C18orf63: variants seen among roughly 807,000 people sequenced by gnomAD.
C18orf63 encodes chromosome 18 open reading frame 63, also known as uncharacterized protein C18orf63.
A neutral mutation model predicts 75.3 loss-of-function variants in C18orf63; 50 were observed. That is an observed-to-expected ratio of 0.66 (90% CI 0.53 to 0.84). C18orf63 has a LOEUF of 0.84. C18orf63 is among the 40% of genes least tolerant of loss of function. The pLI is 0.00. For synonymous variants in C18orf63, 232 were observed against 267.6 expected (o/e 0.87, Z 1.30); for missense variants, 732 against 800.2 (o/e 0.91, Z 1.03).
At chr18:74,317,491 T>C (rs893217844) in intron 1 of C18orf63, among the ~76,000 whole-genome samples, 1 of 152,200 alleles carries the variant, frequency 6.6e-6, no homozygotes, top group Non-Finnish European at 1.5e-5. Flanking sequence ...TTTTAAAAAA[T>C]AGTTATTGTT....
At chr18:74,348,152 T>C (rs1984605389) in intron 11 of C18orf63, among the ~76,000 whole-genome samples, 1 of 152,318 alleles carries the variant, frequency 6.6e-6, no homozygotes, top group East Asian at 1.9e-4. Context: ...CATAATTTTA[T>C]GTATGTCTCT....
chr18:74,322,348 G>A (rs1307271704), intron 3 of C18orf63, among the ~76,000 whole-genome samples: 1 of 152,080 alleles, frequency 6.6e-6, no homozygotes, highest in East Asian at 1.9e-4. Flanking sequence ...GGAGCACTTA[G>A]GCCTTTGAAC....
At chr18:74,338,349 C>A (rs72965867) in intron 7 of C18orf63, among the ~76,000 whole-genome samples, 4 of 152,092 alleles carry the variant, frequency 2.6e-5, no homozygotes, top group Non-Finnish European at 5.9e-5. Flanking sequence ...TTTAAAAAAA[C>A]AATTGAGGTT....
rs889964391 is a variant in C18orf63 at position 74,354,644 on chromosome 18, T to A, written c.*33+98T>A. 9.9e-6 allele frequency: 6 copies of A among 605,140 alleles called. No homozygotes were observed. In the African/African-American group the frequency reaches 1.1e-4, roughly 11 times the overall value. 37.5% of individuals were successfully genotyped at this position (605,140 alleles called of 1,614,324 possible). On this transcript the variant is annotated intron_variant, in intron 13 of 13. Coordinates refer to ENST00000579455, the MANE Select transcript of C18orf63 (RefSeq NM_001174123.2). ...ACCTCTTGGTAAAAAGCAGCTACTT[T>A]TAAATTCTTTGAAACCGTAAAATCA...
rs1350845791 is a variant in C18orf63, at chr18:74,352,373, G to A, written c.979-873G>A. On this transcript the variant is annotated intron_variant, in intron 11 of 13. Coordinates refer to ENST00000579455, the MANE Select transcript of C18orf63 (RefSeq NM_001174123.2). The stretch of plus-strand genomic sequence containing the variant: ...TAAATGTACTTAAAGTCACTGAATC[G>A]TTCACTTAAAAATGGTTAAAATGGT... Among the ~76,000 whole-genome samples the A allele has an allele frequency of 3.3e-5, 5 of 152,194 alleles. 1 individual carries two copies. In the South Asian group the frequency reaches 6.2e-4, roughly 19 times the overall value.
chr18:74,343,214 C>T (rs992625335), intron 10 of C18orf63, among the ~76,000 whole-genome samples: 1 of 152,036 alleles, frequency 6.6e-6, no homozygotes, highest in Non-Finnish European at 1.5e-5. Context: ...TTTGTAATTG[C>T]TAAGGCTTAT....
At chr18:74,336,046 C>T (rs955994061) in intron 7 of C18orf63, among the ~76,000 whole-genome samples, 10 of 151,992 alleles carry the variant, frequency 6.6e-5, no homozygotes, top group Admixed American at 3.9e-4. Context: ...CATTAAGGGC[C>T]TAGCATAGTA....
At chr18:74,329,416 G>A (rs960455127) in intron 6 of C18orf63, among the ~76,000 whole-genome samples, 4 of 151,248 alleles carry the variant, frequency 2.6e-5, no homozygotes, top group African/African-American at 7.3e-5. Flanking sequence ...TAGATCATTG[G>A]GTTGTATAAT....
In C18orf63 at chr18:74,328,042, T is replaced by A. The variant is rs1599002305; in HGVS notation, c.366T>A (p.Gly122=). 1 of 1,528,558 alleles carries A rather than the reference T, an allele frequency of 6.5e-7. No individual in the cohort carries two copies. The highest frequency in any genetic ancestry group is 8.8e-7 in the Non-Finnish European group (1 of 1,140,114). The allele number at this position is 1,528,558 out of a possible 1,614,324, so 94.7% of individuals were successfully genotyped here. A position where few individuals can be genotyped will look rare whatever the true frequency, so the allele number is the denominator to read the frequency against. Residue 122 remains glycine (G), a synonymous_variant, in exon 5 of 14, where the codon GGT becomes GGA. Coordinates refer to ENST00000579455, the MANE Select transcript of C18orf63 (RefSeq NM_001174123.2). ...TTGCTCCAGCCTGGAATAGAACTGG[T>A]CATCTCTTGATACAAGGTAACTTTA... The part of the protein sequence containing the change: ...ARLAPAWNRT[G]HLLIQGRDFL...
intron 13 of C18orf63, among the ~76,000 whole-genome samples, chr18:74,356,231 C>T (rs760459855): frequency 1.1e-4 from 17 of 151,946 alleles, no homozygotes; most frequent in South Asian, 8.3e-4. Context: ...GAATAATGTA[C>T]ATTGTACCTG....
chr18:74,320,477 T>C lies in C18orf63; in HGVS notation c.135-36T>C, dbSNP rs369223351. 173 of 1,418,396 alleles carry C rather than the reference T, an allele frequency of 1.2e-4. 2 individuals are homozygous for C. In the East Asian group the frequency reaches 3.1e-3, roughly 25 times the overall value. 87.9% of individuals were successfully genotyped at this position (1,418,396 alleles called of 1,614,324 possible). A position where few individuals can be genotyped will look rare whatever the true frequency, so the allele number is the denominator to read the frequency against. On this transcript the variant is annotated intron_variant, in intron 2 of 13. Transcript: ENST00000579455. Reference sequence around the variant, plus strand: ...TGGGTGGGGACACAGAACCAAACCATACCAGTCCACTTTGTAATATATTTC... The same window carrying C: ...TGGGTGGGGACACAGAACCAAACCACACCAGTCCACTTTGTAATATATTTC...
chr18:74,354,670 G>T, intron 13 of C18orf63, 124 bp downstream of exon 13: 1 of 581,968 alleles, frequency 1.7e-6, no homozygotes, highest in South Asian at 2.2e-5. Context: ...CGTAAAATCA[G>T]CAAAGAAATA....
intron 3 of C18orf63, among the ~76,000 whole-genome samples, chr18:74,321,704 A>AT: frequency 6.6e-6 from 1 of 152,148 alleles, no homozygotes; most frequent in Non-Finnish European, 1.5e-5. Context: ...AAACATCTTT[A>AT]TGGAACAAGG....
chr18:74,329,024 C>T lies in C18orf63; in HGVS notation c.412C>T (p.Gln138Ter), dbSNP rs1419358150. Reference sequence around the variant, plus strand: ...AGATTTTCTTTCTCAGATGGGAAAACAAAGTGCTGTTGGTAAGTAAAAATG... The same window carrying T: ...AGATTTTCTTTCTCAGATGGGAAAATAAAGTGCTGTTGGTAAGTAAAAATG... ...GRDFLSQMGK[Q>*]SAVVLNINVT... Residue 138 changes from glutamine to a stop codon, truncating the protein, a stop_gained, in exon 6 of 14, where the codon CAA becomes TAA. Transcript: ENST00000579455. LOFTEE classifies it high-confidence loss of function. The T allele has an allele frequency of 6.6e-7, 1 of 1,505,316 alleles. No individual in the cohort carries two copies. Among genetic ancestry groups the T allele is most frequent in the East Asian group, 2.5e-5 (1 of 40,736 alleles). The allele number at this position is 1,505,316 out of a possible 1,614,324, so 93.2% of individuals were successfully genotyped here.
intron 11 of C18orf63, among the ~76,000 whole-genome samples, chr18:74,349,227 A>G (rs1469397609): frequency 6.6e-6 from 1 of 152,168 alleles, no homozygotes; most frequent in Non-Finnish European, 1.5e-5. Context: ...CAATCTGGAC[A>G]CTTCAAAGTG....
At position 74,357,816 on chromosome 18, in the gene C18orf63, A is replaced by C. The variant is rs1363245822; in HGVS notation, c.*1369A>C. On this transcript the variant is annotated 3_prime_UTR_variant, in exon 14 of 14. Transcript: ENST00000579455. ...ATTTCCCAATTATTTTACCATTTTCATAAGGATAAGCATTTTGTCTGAAGC... is the reference window on the plus strand; with the variant it reads ...ATTTCCCAATTATTTTACCATTTTCCTAAGGATAAGCATTTTGTCTGAAGC... 1 of 152,126 alleles carries C rather than the reference A, an allele frequency of 6.6e-6. No individual in the cohort carries two copies. Among genetic ancestry groups the C allele is most frequent in the African/African-American group, 2.4e-5 (1 of 41,420 alleles). 9.4% of individuals were successfully genotyped at this position (152,126 alleles called of 1,614,324 possible). A position where few individuals can be genotyped will look rare whatever the true frequency, so the allele number is the denominator to read the frequency against.
chr18:74,342,008 A>G lies in C18orf63; in HGVS notation c.612-24A>G, dbSNP rs1463087727. Reference sequence around the variant, plus strand: ...AACTATATTTAAGCATTGGCTCATAATAGCTTCCTCTCATTTTTCATAGTA... The same window carrying G: ...AACTATATTTAAGCATTGGCTCATAGTAGCTTCCTCTCATTTTTCATAGTA... On this transcript the variant is annotated intron_variant, in intron 8 of 13. Transcript: ENST00000579455. 6 of 1,214,418 alleles carry G rather than the reference A, an allele frequency of 4.9e-6. No homozygotes were observed. In the East Asian group the frequency reaches 1.5e-4, roughly 31 times the overall value. 75.2% of individuals were successfully genotyped at this position (1,214,418 alleles called of 1,614,324 possible). A position where few individuals can be genotyped will look rare whatever the true frequency, so the allele number is the denominator to read the frequency against.
At chr18:74,326,765 G>A (rs775259026) in intron 4 of C18orf63, among the ~76,000 whole-genome samples, 4 of 152,108 alleles carry the variant, frequency 2.6e-5, no homozygotes, top group Non-Finnish European at 5.9e-5. Flanking sequence ...GGTGTTTTAG[G>A]CATTTCAAGT....
At position 74,338,730 on chromosome 18, in the gene C18orf63, A is replaced by G; in HGVS notation, c.517A>G (p.Ile173Val). ...CTATTAAAAGCTAAAAGAGTTTGAGATTTCCCAGAGTATTATAAAGGATTT... is the reference window on the plus strand; with the variant it reads ...CTATTAAAAGCTAAAAGAGTTTGAGGTTTCCCAGAGTATTATAAAGGATTT... ...LPAPELKEFEISQSIIKDFHA... is the reference protein window; with the variant it reads ...LPAPELKEFEVSQSIIKDFHA... The change falls in exon 8 of 14, where the codon ATT (isoleucine) becomes GTT (valine). Residue 173 changes from isoleucine to valine, a missense_variant. Ile to Val is a conservative substitution (Grantham distance 29, BLOSUM62 3). Around this residue, in one of 3 missense-constraint regions of C18orf63, gnomAD observed 233 missense variants for 272.7 expected, o/e 0.85. Coordinates refer to ENST00000579455, the MANE Select transcript of C18orf63 (RefSeq NM_001174123.2). The G allele has an allele frequency of 7.3e-7, 1 of 1,363,516 alleles. No individual in the cohort carries two copies. The highest frequency in any genetic ancestry group is 2.7e-5 in the East Asian group (1 of 36,472). 84.5% of individuals were successfully genotyped at this position (1,363,516 alleles called of 1,614,324 possible). A position where few individuals can be genotyped will look rare whatever the true frequency, so the allele number is the denominator to read the frequency against.
Sources: gnomAD v4.1 joint callset for allele counts (sites outside exome capture counted in the v4.1 genomes callset) on GRCh38, gnomAD v4.1.1 for gene constraint, gnomAD v4.1.1 regional missense constraint, MANE v1.5 for transcripts, NCBI Gene and HGNC (gene_info 2026-07-23, HGNC 2026-07-21) for gene names.